MTUS2: variants seen among roughly 807,000 people sequenced by gnomAD.
MTUS2 encodes microtubule associated scaffold protein 2.
In MTUS2, 40 loss-of-function variants were observed where a neutral mutation model predicts 114.1. The observed-to-expected ratio is 0.35, with a 90% CI of 0.27 to 0.46. The LOEUF is 0.46. MTUS2 is among the 20% of genes least tolerant of loss of function. MTUS2 has a pLI of 1.00. For missense variants in MTUS2, 1,679 were observed against 1,705.4 expected (o/e 0.98, Z 0.27); for synonymous variants, 688 against 672.0 (o/e 1.02, Z -0.37).
intron 8 of MTUS2, among the ~76,000 whole-genome samples, chr13:29,372,701 T>C (rs3125694): frequency 0.87 from 133,087 of 152,134 alleles, 58,386 homozygotes; most frequent in East Asian, 0.92. Flanking sequence ...ATTTTTCTTC[T>C]TTATATGATC....
At chr13:28,828,261 G>A (rs1344596522) in intron 1 of MTUS2, among the ~76,000 whole-genome samples, 1 of 152,148 alleles carries the variant, frequency 6.6e-6, no homozygotes, top group Non-Finnish European at 1.5e-5. Context: ...AGACTTTAAG[G>A]TTATCTCCCT....
chr13:28,821,970 C>G (rs1873933556), intron 1 of MTUS2, among the ~76,000 whole-genome samples: 1 of 152,134 alleles, frequency 6.6e-6, no homozygotes, highest in Non-Finnish European at 1.5e-5. Flanking sequence ...TTACGGGAAT[C>G]TTAAGTGATA....
intron 8 of MTUS2, among the ~76,000 whole-genome samples, chr13:29,406,237 A>G (rs151133511): frequency 1.1e-3 from 164 of 152,308 alleles, no homozygotes; most frequent in African/African-American, 3.8e-3. Flanking sequence ...TGAGCAGCTG[A>G]GAACAACAAA....
chr13:29,395,301 C>T (rs1387989817), intron 8 of MTUS2, among the ~76,000 whole-genome samples: 1 of 152,104 alleles, frequency 6.6e-6, no homozygotes, highest in African/African-American at 2.4e-5. Flanking sequence ...GTTGGTGTAA[C>T]CCAGGTGAGA....
At chr13:29,257,681 G>A (rs1237505609) in intron 5 of MTUS2, among the ~76,000 whole-genome samples, 1 of 152,210 alleles carries the variant, frequency 6.6e-6, no homozygotes, top group East Asian at 1.9e-4. Flanking sequence ...AGAGACTGAA[G>A]GAAGGAAGGT....
intron 4 of MTUS2, among the ~76,000 whole-genome samples, chr13:29,062,673 C>T (rs944780988): frequency 3.9e-5 from 6 of 151,978 alleles, no homozygotes; most frequent in Non-Finnish European, 5.9e-5. Flanking sequence ...ACTTAGATAT[C>T]GGGAATAATT....
intron 4 of MTUS2, among the ~76,000 whole-genome samples, chr13:29,079,625 T>G (rs372945995): frequency 4.4e-4 from 67 of 152,324 alleles, no homozygotes; most frequent in African/African-American, 1.5e-3. Flanking sequence ...GGAATAAGTA[T>G]ATTTAACACC....
chr13:29,022,869 C>T (rs773486549), intron 2 of MTUS2, among the ~76,000 whole-genome samples: 2 of 151,144 alleles, frequency 1.3e-5, no homozygotes, highest in African/African-American at 2.4e-5. Context: ...GCAGAAATAA[C>T]GCTGATCTTC....
At chr13:29,172,409 A>G (rs150585119) in intron 5 of MTUS2, among the ~76,000 whole-genome samples, 8 of 152,350 alleles carry the variant, frequency 5.3e-5, no homozygotes, top group Admixed American at 1.3e-4. Flanking sequence ...AAGTGAGTGC[A>G]GTTTGGCCTC....
chr13:28,914,802 C>T (rs547059161), intron 2 of MTUS2, among the ~76,000 whole-genome samples: 168 of 152,084 alleles, frequency 1.1e-3, no homozygotes, highest in Non-Finnish European at 2.1e-3. Context: ...GTAGTTAGTT[C>T]TTCTTGTTGA....
chr13:28,821,006 A>ATT lies in MTUS2; in HGVS notation c.-316+405_-316+406dup, dbSNP rs1283941697. On this transcript the variant is annotated intron_variant, in intron 1 of 15. Coordinates refer to ENST00000612955, the MANE Select transcript of MTUS2 (RefSeq NM_001033602.4). ...AGCAGTGAAGCGGCTTGCTACATCC[A>ATT]TTTTTTTTTTTCATTCTGTGCCTGT... is the stretch of plus-strand genomic sequence containing the variant. 7.1e-4 allele frequency among the ~76,000 whole-genome samples: 103 copies of ATT among 145,758 alleles called. No individual in the cohort carries two copies. The East Asian group carries it at 7.6e-3, about 11-fold the overall frequency.
intron 4 of MTUS2, among the ~76,000 whole-genome samples, chr13:29,090,771 G>A (rs759287620): frequency 3.9e-5 from 6 of 152,234 alleles, no homozygotes; most frequent in South Asian, 2.1e-4. Flanking sequence ...GAAGGCTAAA[G>A]CCACTTAGAG....
chr13:29,272,140 T>C lies in MTUS2; in HGVS notation c.2645-9564T>C, dbSNP rs1393749611. On this transcript the variant is annotated intron_variant, in intron 5 of 15. Coordinates refer to ENST00000612955, the MANE Select transcript of MTUS2 (RefSeq NM_001033602.4). The stretch of plus-strand genomic sequence containing the variant: ...TTAATGTGAGAAAGAAAATATACAC[T>C]TCGGTTAAAATATGCAGAATGGGGA... 5.9e-5 allele frequency among the ~76,000 whole-genome samples: 9 copies of C among 152,288 alleles called. No homozygotes were observed. In the East Asian group the frequency reaches 1.7e-3, roughly 29 times the overall value.
intron 5 of MTUS2, among the ~76,000 whole-genome samples, chr13:29,157,735 A>G (rs1892919564): frequency 6.6e-6 from 1 of 152,188 alleles, no homozygotes; most frequent in African/African-American, 2.4e-5. Flanking sequence ...AAGAATCTGC[A>G]TTTCCAACAC....
chr13:29,290,282 G>T (rs369123039), intron 6 of MTUS2, among the ~76,000 whole-genome samples: 8 of 152,108 alleles, frequency 5.3e-5, no homozygotes, highest in African/African-American at 1.7e-4. Flanking sequence ...GCTGCATCTT[G>T]GTTTCCCTTT....
intron 5 of MTUS2, among the ~76,000 whole-genome samples, chr13:29,130,889 A>G (rs1593509580): frequency 2.0e-5 from 3 of 152,122 alleles, no homozygotes; most frequent in African/African-American, 4.8e-5. Flanking sequence ...CCCCCAAAGT[A>G]CTGGGATTAC....
In MTUS2 at chr13:29,482,623, A is replaced by T. The variant is rs138640375; in HGVS notation, c.3399+2259A>T. 1.1e-4 allele frequency among the ~76,000 whole-genome samples: 17 copies of T among 152,358 alleles called. No homozygotes were observed. In the East Asian group the frequency reaches 3.3e-3, roughly 29 times the overall value. On this transcript the variant is annotated intron_variant, in intron 10 of 15. Transcript: ENST00000612955. ...ACTGCAAGAGATACTAAGATTTATA[A>T]AATGTGGGCTTGCTTATCTATCCAT...
chr13:28,879,386 A>G (rs1435514086), intron 2 of MTUS2, among the ~76,000 whole-genome samples: 1 of 152,210 alleles, frequency 6.6e-6, no homozygotes, highest in African/African-American at 2.4e-5. Context: ...ACCAGTGGGA[A>G]GCAATTTAAT....
At chr13:29,443,257 C>G (rs752487215) in intron 9 of MTUS2, among the ~76,000 whole-genome samples, 13 of 152,230 alleles carry the variant, frequency 8.5e-5, no homozygotes, top group Non-Finnish European at 1.6e-4. Context: ...AATTTCCACT[C>G]CAGGGTGAAT....
Sources: allele counts gnomAD v4.1 joint callset (sites outside exome capture counted in the v4.1 genomes callset), GRCh38; gene constraint gnomAD v4.1.1; transcripts MANE v1.5; gene names NCBI Gene and HGNC (gene_info 2026-07-23, HGNC 2026-07-21).